EPAS1: variants seen among roughly 807,000 people sequenced by gnomAD.
EPAS1 encodes endothelial PAS domain-containing protein 1.
A neutral mutation model predicts 87.9 loss-of-function variants in EPAS1; 23 were observed. The observed-to-expected ratio is 0.26, with a 90% CI of 0.19 to 0.37. EPAS1 has a LOEUF of 0.37. EPAS1 is among the 10% of genes least tolerant of loss of function. The probability of loss-of-function intolerance (pLI) is 1.00; values close to 1 mark genes in which losing one functional copy is unlikely to be tolerated. For synonymous variants in EPAS1, 508 were observed against 444.3 expected (o/e 1.14, Z -1.80); for missense variants, 1,138 against 1,120.7 (o/e 1.02, Z -0.22).
At position 46,329,261 on chromosome 2, in the gene EPAS1, C is replaced by A. The variant is rs550763589; in HGVS notation, c.27-17612C>A. On this transcript the variant is annotated intron_variant, in intron 1 of 15. Coordinates refer to ENST00000263734, the MANE Select transcript of EPAS1 (RefSeq NM_001430.5). ...GATTGTCATCTGGGTGCGAGGCAAC[C>A]ACAGGGTAGGAGGCACCATTGCTAG... is the stretch of plus-strand genomic sequence containing the variant. 9.2e-5 allele frequency among the ~76,000 whole-genome samples: 14 copies of A among 152,278 alleles called. No individual in the cohort carries two copies. The East Asian group carries it at 2.7e-3, about 29-fold the overall frequency.
chr2:46,330,152 G>A (rs1683646354), intron 1 of EPAS1, among the ~76,000 whole-genome samples: 1 of 152,108 alleles, frequency 6.6e-6, no homozygotes. Context: ...CCATCTTAAT[G>A]CTTTAAATCA....
intron 1 of EPAS1, among the ~76,000 whole-genome samples, chr2:46,316,837 G>C (rs1029188447): frequency 1.3e-5 from 2 of 152,188 alleles, no homozygotes; most frequent in Non-Finnish European, 2.9e-5. Flanking sequence ...TTTACCCACA[G>C]TAAAACTTCC....
intron 8 of EPAS1, 120 bp from the exon 9 acceptor site, chr2:46,376,419 G>A: frequency 2.2e-6 from 2 of 919,872 alleles, no homozygotes; most frequent in Non-Finnish European, 3.6e-6. Context: ...AGACGCCAAT[G>A]CCTGGAGTCC....
intron 1 of EPAS1, among the ~76,000 whole-genome samples, chr2:46,344,379 A>G (rs1204796153): frequency 6.6e-6 from 1 of 152,160 alleles, no homozygotes; most frequent in Non-Finnish European, 1.5e-5. Context: ...TTGCTTCAGG[A>G]TGGCTTCCCT....
intron 1 of EPAS1, among the ~76,000 whole-genome samples, chr2:46,323,310 T>A (rs536374763): frequency 1.8e-4 from 27 of 152,284 alleles, no homozygotes; most frequent in African/African-American, 6.0e-4. Context: ...GGATATAAAA[T>A]AGTGATCAAT....
intron 1 of EPAS1, among the ~76,000 whole-genome samples, chr2:46,342,666 G>C (rs958335337): frequency 6.6e-6 from 1 of 152,190 alleles, no homozygotes; most frequent in East Asian, 1.9e-4. Context: ...ATGGAAGTCA[G>C]GAACCAAGAT....
rs1684996748 is a variant in EPAS1 at position 46,385,481 on chromosome 2, T to G, written c.*821T>G. The G allele has an allele frequency of 6.6e-6, 1 of 152,266 alleles. No homozygotes were observed. The highest frequency in any genetic ancestry group is 2.1e-4 in the South Asian group (1 of 4,834). 9.4% of individuals were successfully genotyped at this position (152,266 alleles called of 1,614,324 possible). A position where few individuals can be genotyped will look rare whatever the true frequency, so the allele number is the denominator to read the frequency against. On this transcript the variant is annotated 3_prime_UTR_variant, in exon 16 of 16. Transcript: ENST00000263734. ...TGGAATCCTGCTCACAAAATCACTT[T>G]AAGATCTTTTCGAAGCTGTTAATTT...
chr2:46,329,862 A>G (rs1683640666), intron 1 of EPAS1, among the ~76,000 whole-genome samples: 2 of 152,170 alleles, frequency 1.3e-5, no homozygotes, highest in African/African-American at 4.8e-5. Flanking sequence ...CATCCTTCTT[A>G]AAGACAAAAA....
At chr2:46,343,376 T>A (rs935953796) in intron 1 of EPAS1, among the ~76,000 whole-genome samples, 44 of 152,214 alleles carry the variant, frequency 2.9e-4, no homozygotes, top group African/African-American at 1.1e-3. Context: ...GCATCCAGGT[T>A]GTGGGAAAGT....
intron 1 of EPAS1, among the ~76,000 whole-genome samples, chr2:46,317,534 A>G (rs1325551805): frequency 1.3e-5 from 2 of 152,252 alleles, no homozygotes; most frequent in Non-Finnish European, 2.9e-5. Flanking sequence ...GAGCACCAAT[A>G]AAGTAGATTT....
rs369157945 is a variant in EPAS1 at position 46,319,074 on chromosome 2, G to A, written c.26+21137G>A. 2.3e-4 allele frequency among the ~76,000 whole-genome samples: 35 copies of A among 152,262 alleles called. No individual in the cohort carries two copies. In the East Asian group the frequency reaches 2.7e-3, roughly 12 times the overall value. On this transcript the variant is annotated intron_variant, in intron 1 of 15. Transcript: ENST00000263734. ...CTGACCAATGTGTTATCTGAAAAGC[G>A]GCATCTTTTCTATATTTCTGACCAG...
rs1572649471 is a variant in EPAS1 at position 46,380,795 on chromosome 2, G to A, written c.2045+78G>A. The A allele has an allele frequency of 1.3e-6, 2 of 1,596,648 alleles. No homozygotes were observed. Among genetic ancestry groups the A allele is most frequent in the South Asian group, 2.2e-5 (2 of 90,722 alleles). On this transcript the variant is annotated intron_variant, in intron 12 of 15. Coordinates refer to ENST00000263734, the MANE Select transcript of EPAS1 (RefSeq NM_001430.5). The surrounding 1 kb of genome is among the most constrained non-coding windows in gnomAD (Gnocchi z 4.4). ...CTAGTAAGATAGCTGGACCCCCAGG[G>A]AGGCCCCTGCCCCTCTCCCCAGCCA...
chr2:46,297,701 T>A lies in EPAS1; in HGVS notation c.-211T>A, dbSNP rs1228587498. On this transcript the variant is annotated 5_prime_UTR_variant, in exon 1 of 16. Coordinates refer to ENST00000263734, the MANE Select transcript of EPAS1 (RefSeq NM_001430.5). ...CCGGACCCCGCCTCCGCGCGCAGGT[T>A]CCTCCCAGTCACCTTTCTCCACCCC... The A allele has an allele frequency of 1.7e-6, 1 of 584,498 alleles. No individual in the cohort carries two copies. The highest frequency in any genetic ancestry group is 3.0e-6 in the Non-Finnish European group (1 of 334,112). The allele number at this position is 584,498 out of a possible 1,614,324, so 36.2% of individuals were successfully genotyped here.
At chr2:46,307,304 T>C (rs1683125012) in intron 1 of EPAS1, among the ~76,000 whole-genome samples, 1 of 152,222 alleles carries the variant, frequency 6.6e-6, no homozygotes, top group Non-Finnish European at 1.5e-5. Context: ...AGTGTGGTGT[T>C]GCTGGACACA....
intron 7 of EPAS1, among the ~76,000 whole-genome samples, chr2:46,372,807 G>A (rs1403786330): frequency 6.6e-6 from 1 of 152,214 alleles, no homozygotes; most frequent in Non-Finnish European, 1.5e-5. Context: ...AAAAGAGTAA[G>A]AGCCCTGAAT....
At chr2:46,365,355 T>C (rs778456485) in intron 6 of EPAS1, among the ~76,000 whole-genome samples, 1 of 152,228 alleles carries the variant, frequency 6.6e-6, no homozygotes, top group Admixed American at 6.5e-5. Flanking sequence ...TTAGGGAACA[T>C]AGGACATATT....
intron 2 of EPAS1, among the ~76,000 whole-genome samples, chr2:46,351,983 C>T (rs1684171629): frequency 2.0e-5 from 3 of 152,128 alleles, no homozygotes; most frequent in Admixed American, 6.5e-5. Flanking sequence ...CCTCAGCCCG[C>T]GCATATCCTG....
intron 12 of EPAS1, chr2:46,381,107 G>A (rs1253263749): frequency 1.4e-5 from 5 of 351,798 alleles, no homozygotes; most frequent in Admixed American, 4.2e-5. Context: ...GGCTGCCCCC[G>A]GGTCCTCGCC....
intron 13 of EPAS1, 119 bp downstream of exon 13, chr2:46,381,841 T>C: frequency 6.4e-7 from 1 of 1,557,610 alleles, no homozygotes; most frequent in Non-Finnish European, 8.7e-7. Context: ...AACCCAGGGC[T>C]GCTGAGAGGG....
Sources: gnomAD v4.1 joint callset for allele counts (sites outside exome capture counted in the v4.1 genomes callset) on GRCh38, gnomAD v4.1.1 for gene constraint, Gnocchi (gnomAD v3.1) non-coding constraint, MANE v1.5 for transcripts, NCBI Gene and HGNC (gene_info 2026-07-23, HGNC 2026-07-21) for gene names.